SCAP: variants seen among roughly 807,000 people sequenced by gnomAD.
The protein encoded by SCAP is sterol regulatory element-binding protein cleavage-activating protein.
SCAP carries 65 observed loss-of-function variants against 123.6 expected under a neutral mutation model. That is an observed-to-expected ratio of 0.53 (90% CI 0.43 to 0.65). The LOEUF is 0.65. Among genes scored for constraint, SCAP ranks in the 30% least tolerant of loss-of-function variants. The probability of loss-of-function intolerance (pLI) is 0.00; values close to 1 mark genes in which losing one functional copy is unlikely to be tolerated. For missense variants in SCAP, 1,398 were observed against 1,712.5 expected, an observed-to-expected ratio of 0.82 and a Z score of 3.24; for synonymous variants, 740 against 726.3, an observed-to-expected ratio of 1.02 and a Z score of -0.30.
intron 4 of SCAP, 128 bp downstream of exon 4, chr3:47,428,385 C>T (rs979706838): frequency 1.4e-4 from 144 of 1,004,776 alleles, no homozygotes; most frequent in Middle Eastern, 3.4e-4. Flanking sequence ...GGCTAGCTCA[C>T]CCTCCATCCT....
rs757697127 is a variant in SCAP, at chr3:47,418,410, G to A, written c.2242C>T (p.Arg748Trp). 1.2e-5 allele frequency: 19 copies of A among 1,575,866 alleles called. 1 individual carries two copies. The highest frequency in any genetic ancestry group is 8.1e-5 in the South Asian group (7 of 86,940). ...YGQLGGGPGR[R>W]RRGELPCDDY... The stretch of plus-strand genomic sequence containing the variant: ...TCGCAGGGCAGCTCCCCGCGCCTCC[G>A]CCGCCCGGGCCCACCACCCAGCTGC... Residue 748 changes from arginine to tryptophan, a missense_variant, in exon 15 of 23, where the codon CGG (arginine) becomes TGG (tryptophan). Around this residue, in one of 7 missense-constraint regions of SCAP, gnomAD observed 828 missense variants for 882.5 expected, o/e 0.94. Transcript: ENST00000265565.
intron 1 of SCAP, among the ~76,000 whole-genome samples, chr3:47,459,890 C>CGTATTTCA (rs1559566719): frequency 6.6e-6 from 1 of 152,100 alleles, no homozygotes; most frequent in Non-Finnish European, 1.5e-5. Flanking sequence ...GAGACCAGGG[C>CGTATTTCA]GTATTTCAGT....
Position 47,439,685 on chromosome 3 carries a change from T to C in SCAP, c.122+3187A>G, listed in dbSNP as rs984426794. On this transcript the variant is annotated intron_variant, in intron 2 of 22. Coordinates refer to ENST00000265565, the MANE Select transcript of SCAP (RefSeq NM_012235.4). The surrounding 1 kb of genome is among the most constrained non-coding windows in gnomAD (Gnocchi z 4.0). ...GCCCAGTGGTCTAACCTCCAAGAGT[T>C]ATAAACAGACACCTCTTGCCATAAT... 4.6e-5 allele frequency among the ~76,000 whole-genome samples: 7 copies of C among 152,158 alleles called. No individual in the cohort carries two copies. The highest frequency in any genetic ancestry group is 3.9e-4 in the Admixed American group (6 of 15,276).
At chr3:47,416,322 G>C (rs999265681) in intron 18 of SCAP, among the ~76,000 whole-genome samples, 15 of 152,208 alleles carry the variant, frequency 9.9e-5, no homozygotes, top group Non-Finnish European at 2.2e-4. Flanking sequence ...GGAGTACTGG[G>C]GACGCCCACA....
At chr3:47,435,303 T>C (rs1283950456) in intron 2 of SCAP, among the ~76,000 whole-genome samples, 166 bp from the exon 3 acceptor site, 1 of 152,172 alleles carries the variant, frequency 6.6e-6, no homozygotes, top group Non-Finnish European at 1.5e-5. Flanking sequence ...AGAAGTCATC[T>C]AGATTAGAAT....
intron 2 of SCAP, among the ~76,000 whole-genome samples, chr3:47,437,419 T>G (rs1214365057): frequency 2.8e-4 from 15 of 52,892 alleles, no homozygotes; most frequent in Admixed American, 6.8e-4. Flanking sequence ...TGAAACTCAA[T>G]CTCAAAAAAA....
At chr3:47,431,103 A>G (rs977007313) in intron 3 of SCAP, among the ~76,000 whole-genome samples, 2 of 151,596 alleles carry the variant, frequency 1.3e-5, no homozygotes, top group Non-Finnish European at 2.9e-5. Flanking sequence ...CTCAGCCACT[A>G]GAAGCTGCTG....
intron 1 of SCAP, among the ~76,000 whole-genome samples, chr3:47,464,785 T>C (rs914329131): frequency 2.6e-5 from 4 of 152,214 alleles, no homozygotes; most frequent in South Asian, 4.1e-4. Context: ...CTGCCTCATT[T>C]ACCCTTTCTC....
chr3:47,431,687 G>C (rs1442021327), intron 3 of SCAP, among the ~76,000 whole-genome samples: 1 of 152,104 alleles, frequency 6.6e-6, no homozygotes, highest in Non-Finnish European at 1.5e-5. Flanking sequence ...GCGGTAAAAT[G>C]TCCTCCTCCT....
At chr3:47,424,845 C>T (rs1706054751) in intron 8 of SCAP, among the ~76,000 whole-genome samples, 1 of 152,134 alleles carries the variant, frequency 6.6e-6, no homozygotes, top group Non-Finnish European at 1.5e-5. Context: ...CCATTAATAA[C>T]CATTAATAGA....
At chr3:47,472,141 T>C (rs146740960) in intron 1 of SCAP, among the ~76,000 whole-genome samples, 1 of 148,474 alleles carries the variant, frequency 6.7e-6, no homozygotes, top group Non-Finnish European at 1.5e-5. Flanking sequence ...ATAATAATAA[T>C]AATTAAATGG....
At chr3:47,435,209 GC>G (rs1329940350) in intron 2 of SCAP, 72 bp from the exon 3 acceptor site, 24 of 1,479,864 alleles carry the variant, frequency 1.6e-5, no homozygotes, top group Admixed American at 4.5e-5. Flanking sequence ...TGACACAGGA[GC>G]CACTGGAGTT....
chr3:47,418,502 G>C lies in SCAP; in HGVS notation c.2150C>G (p.Ala717Gly), dbSNP rs1332205170. ...TLYKVAALGL[A>G]TGIVLVLLLL... ...CAGCAGCACCAAGACGATGCCGGTG[G>C]CCAGGCCCAGCGCCGCCACCCTGCA... Residue 717 changes from alanine to glycine, a missense_variant, in exon 15 of 23, where the codon GCC becomes GGC. Ala to Gly is a moderately conservative substitution (Grantham distance 60). Transcript: ENST00000265565. 1 of 1,596,214 alleles carries C rather than the reference G, an allele frequency of 6.3e-7. No homozygotes were observed. Among genetic ancestry groups the C allele is most frequent in the Admixed American group, 1.7e-5 (1 of 57,926 alleles).
At chr3:47,422,149 C>G (rs1422816289) in intron 10 of SCAP, among the ~76,000 whole-genome samples, 1 of 152,266 alleles carries the variant, frequency 6.6e-6, no homozygotes, top group Non-Finnish European at 1.5e-5. Context: ...CCTCCTGCCA[C>G]TTGGCTGAAA....
intron 1 of SCAP, among the ~76,000 whole-genome samples, chr3:47,463,877 C>A (rs561371921): frequency 6.6e-6 from 1 of 152,104 alleles, no homozygotes; most frequent in African/African-American, 2.4e-5. Flanking sequence ...CTTGCTCTGT[C>A]ACCCAGGCTG....
At chr3:47,415,065 G>T in intron 19 of SCAP, 33 bp downstream of exon 19, 3 of 1,586,610 alleles carry the variant, frequency 1.9e-6, no homozygotes, top group Non-Finnish European at 2.6e-6. Flanking sequence ...GTCCCACCAA[G>T]TGTGAACACC....
intron 1 of SCAP, among the ~76,000 whole-genome samples, chr3:47,448,945 CTTGT>C (rs1707152249): frequency 6.6e-6 from 1 of 152,120 alleles, no homozygotes; most frequent in South Asian, 2.1e-4. Context: ...GACTCTAGCT[CTTGT>C]TTAAGTCCCA....
intron 3 of SCAP, among the ~76,000 whole-genome samples, chr3:47,431,647 T>C (rs1706362839): frequency 1.3e-5 from 2 of 152,172 alleles, no homozygotes; most frequent in African/African-American, 4.8e-5. Context: ...CTAATTATAC[T>C]GCGGTTATGG....
Position 47,422,493 on chromosome 3 carries a change from C to T in SCAP, c.1194G>A (p.Thr398=), listed in dbSNP as rs139824337. ...ESWSIMKNMA[T]ELGIILIGYF... ...AGCCGATGAGGATGATGCCCAGCTC[C>T]GTGGCCATGTTCTTCATGATGGACC... The change falls in exon 10 of 23, where the codon ACG becomes ACA. Residue 398 remains threonine, a synonymous_variant. Transcript: ENST00000265565. The T allele has an allele frequency of 4.6e-5, 75 of 1,613,624 alleles. No individual in the cohort carries two copies. The highest frequency in any genetic ancestry group is 5.4e-5 in the Non-Finnish European group (64 of 1,179,814).
Sources: allele counts gnomAD v4.1 joint callset (sites outside exome capture counted in the v4.1 genomes callset), GRCh38; gene constraint gnomAD v4.1.1; regional missense constraint gnomAD v4.1.1; non-coding constraint Gnocchi (gnomAD v3.1); transcripts MANE v1.5; gene names NCBI Gene and HGNC (gene_info 2026-07-23, HGNC 2026-07-21).